Variants in RAI14 observed in about 807,000 individuals in gnomAD.
The protein encoded by RAI14 is retinoic acid induced 14.
In RAI14, 45 loss-of-function variants were observed where a neutral mutation model predicts 115.4. That is an observed-to-expected ratio of 0.39 (90% CI 0.31 to 0.50). The LOEUF (loss-of-function observed/expected upper bound fraction) is 0.50. RAI14 is among the 20% of genes least tolerant of loss of function. The pLI, the probability that RAI14 is intolerant of heterozygous loss-of-function variation, is 0.85. For synonymous variants in RAI14, 371 were observed against 415.4 expected (o/e 0.89, Z 1.30); for missense variants, 939 against 1,131.2 (o/e 0.83, Z 2.44).
chr5:34,709,748 CT>C (rs1443245633), intron 2 of RAI14, among the ~76,000 whole-genome samples: 4 of 152,086 alleles, frequency 2.6e-5, no homozygotes, highest in Non-Finnish European at 5.9e-5. Context: ...TACTTAGGCT[CT>C]TTGGAAGATT....
intron 2 of RAI14, among the ~76,000 whole-genome samples, chr5:34,754,086 A>G (rs1416853255): frequency 4.3e-5 from 3 of 69,884 alleles, no homozygotes; most frequent in African/African-American, 1.6e-4. Flanking sequence ...ATCTCAAAAG[A>G]AAGAAAAAAA....
At chr5:34,665,198 T>TATATACAC (rs369742853) in intron 1 of RAI14, among the ~76,000 whole-genome samples, 4 of 75,710 alleles carry the variant, frequency 5.3e-5, no homozygotes, top group African/African-American at 2.0e-4. Context: ...TGTATATATA[T>TATATACAC]ACACACACCA....
intron 1 of RAI14, among the ~76,000 whole-genome samples, chr5:34,672,389 T>TG (rs981267794): frequency 1.3e-3 from 203 of 151,750 alleles, no homozygotes; most frequent in Non-Finnish European, 1.9e-3. Context: ...GTGTGGGGTG[T>TG]GGGGGGGGAG....
At chr5:34,722,372 C>T (rs1742874982) in intron 2 of RAI14, among the ~76,000 whole-genome samples, 1 of 151,626 alleles carries the variant, frequency 6.6e-6, no homozygotes, top group Non-Finnish European at 1.5e-5. Context: ...CAGCTGTCTG[C>T]AAGCCAAGGC....
At chr5:34,671,926 T>G (rs1311571582) in intron 1 of RAI14, among the ~76,000 whole-genome samples, 1 of 152,142 alleles carries the variant, frequency 6.6e-6, no homozygotes, top group Non-Finnish European at 1.5e-5. Flanking sequence ...ATATTATAGG[T>G]CCTGTAACCC....
At chr5:34,754,353 G>C (rs1172106443) in intron 2 of RAI14, among the ~76,000 whole-genome samples, 1 of 152,054 alleles carries the variant, frequency 6.6e-6, no homozygotes, top group Non-Finnish European at 1.5e-5. Flanking sequence ...ACCCTACTTG[G>C]CCTCTAGTTT....
At chr5:34,672,752 C>T (rs1743706004) in intron 1 of RAI14, among the ~76,000 whole-genome samples, 1 of 152,018 alleles carries the variant, frequency 6.6e-6, no homozygotes, top group East Asian at 1.9e-4. Flanking sequence ...CATATCATAC[C>T]TTCACCACTA....
rs540309181 is a variant in RAI14 at position 34,823,309 on chromosome 5, G to A, written c.1467G>A (p.Gln489=). Residue 489 remains glutamine, a synonymous_variant, in exon 15 of 18, where the codon CAG becomes CAA. Coordinates refer to ENST00000265109, the MANE Select transcript of RAI14 (RefSeq NM_015577.3). The surrounding 1 kb of genome is among the most constrained non-coding windows in gnomAD (Gnocchi z 4.5). ...TCAGCCAGAAACTTAAAGAAACTCA[G>A]AGCAAATACGAGGAGGCTATGAAAG... ...SDLSQKLKET[Q]SKYEEAMKEV... The A allele has an allele frequency of 1.1e-5, 17 of 1,613,862 alleles. No individual in the cohort carries two copies. The highest frequency in any genetic ancestry group is 6.7e-5 in the Admixed American group (4 of 59,992).
At chr5:34,746,166 C>A (rs1322300284) in intron 2 of RAI14, among the ~76,000 whole-genome samples, 2 of 140,708 alleles carry the variant, frequency 1.4e-5, no homozygotes, top group Non-Finnish European at 3.0e-5. Context: ...AGTGCAGCTG[C>A]GCGATCCTGG....
intron 3 of RAI14, among the ~76,000 whole-genome samples, chr5:34,765,915 C>T (rs1749285127): frequency 6.6e-6 from 1 of 152,202 alleles, no homozygotes; most frequent in Non-Finnish European, 1.5e-5. Flanking sequence ...TGCCCTGTGT[C>T]CCAGCTGCTC....
intron 2 of RAI14, among the ~76,000 whole-genome samples, chr5:34,729,536 G>A (rs1345860855): frequency 1.3e-5 from 2 of 152,204 alleles, no homozygotes; most frequent in African/African-American, 2.4e-5. Context: ...ATGGAAGTAC[G>A]CGCTACCTTC....
chr5:34,801,610 A>G (rs1156807604), intron 4 of RAI14, among the ~76,000 whole-genome samples: 1 of 152,192 alleles, frequency 6.6e-6, no homozygotes. Context: ...GCCTGGTGGC[A>G]CGCACCTGTA....
At chr5:34,670,917 G>A (rs923280355) in intron 1 of RAI14, among the ~76,000 whole-genome samples, 2 of 152,202 alleles carry the variant, frequency 1.3e-5, no homozygotes, top group Non-Finnish European at 2.9e-5. Flanking sequence ...CTCTTAGCAT[G>A]AAGCAATGGT....
chr5:34,767,366 A>T (rs1749536513), intron 3 of RAI14, among the ~76,000 whole-genome samples: 1 of 152,122 alleles, frequency 6.6e-6, no homozygotes, highest in Non-Finnish European at 1.5e-5. Context: ...CAGCAGAGTA[A>T]GGGAGGGTGG....
At chr5:34,673,600 G>A (rs1049897289) in intron 1 of RAI14, among the ~76,000 whole-genome samples, 5 of 152,090 alleles carry the variant, frequency 3.3e-5, no homozygotes, top group Non-Finnish European at 7.4e-5. Context: ...CAAATACTTT[G>A]GTGCCCGAGG....
At chr5:34,719,043 C>T (rs771614276) in intron 2 of RAI14, among the ~76,000 whole-genome samples, 4 of 152,154 alleles carry the variant, frequency 2.6e-5, no homozygotes, top group Admixed American at 6.5e-5. Context: ...CTTTTAGTGG[C>T]GTAAAACAAA....
intron 3 of RAI14, among the ~76,000 whole-genome samples, chr5:34,774,630 G>A (rs1162620962): frequency 6.6e-6 from 1 of 151,810 alleles, no homozygotes; most frequent in Non-Finnish European, 1.5e-5. Context: ...ACACAAAAAT[G>A]GAAACATTCT....
In RAI14 at chr5:34,811,582, T is replaced by TAA. The variant is rs35087500; in HGVS notation, c.558-172_558-171dup. Among the ~76,000 whole-genome samples, 1,351 of 145,896 alleles carry TAA rather than the reference T, an allele frequency of 9.3e-3. 9 individuals are homozygous for TAA. Among genetic ancestry groups the TAA allele is most frequent in the Middle Eastern group, 0.021 (6 of 284 alleles). On this transcript the variant is annotated intron_variant, in intron 8 of 17. Coordinates refer to ENST00000265109, the MANE Select transcript of RAI14 (RefSeq NM_015577.3). Reference sequence around the variant, plus strand: ...TAATGTTTTGATTTAATCTGAAGTTTAAAAAAAAAAAAAACCACCTAATTT... The same window carrying TAA: ...TAATGTTTTGATTTAATCTGAAGTTTAAAAAAAAAAAAAAAACCACCTAATTT...
At chr5:34,690,994 A>G (rs1324246199) in intron 2 of RAI14, among the ~76,000 whole-genome samples, 1 of 152,212 alleles carries the variant, frequency 6.6e-6, no homozygotes, top group South Asian at 2.1e-4. Flanking sequence ...TTAAGATGAT[A>G]TAGCTAACTA....
Sources: gnomAD v4.1 joint callset for allele counts (sites outside exome capture counted in the v4.1 genomes callset) on GRCh38, gnomAD v4.1.1 for gene constraint, Gnocchi (gnomAD v3.1) non-coding constraint, MANE v1.5 for transcripts, NCBI Gene and HGNC (gene_info 2026-07-23, HGNC 2026-07-21) for gene names.